CMTR1: variants seen among roughly 807,000 people sequenced by gnomAD.
The protein encoded by CMTR1 is cap methyltransferase 1, also known as cap-specific mRNA (nucleoside-2'-O-)-methyltransferase 1.
CMTR1 carries 39 observed loss-of-function variants against 107.0 expected under a neutral mutation model. That is an observed-to-expected ratio of 0.36 (90% confidence interval 0.28 to 0.48). The LOEUF is 0.48. Ranked by LOEUF, CMTR1 falls within the 20% of genes least tolerant of loss-of-function variation. The probability of loss-of-function intolerance (pLI) is 0.99; values close to 1 mark genes in which losing one functional copy is unlikely to be tolerated. For missense variants in CMTR1, 672 were observed against 1,064.9 expected (o/e 0.63, Z 5.14); for synonymous variants, 366 against 379.5 (o/e 0.96, Z 0.41).
At chr6:37,476,373 C>A (rs551469663) in intron 20 of CMTR1, among the ~76,000 whole-genome samples, 179 bp downstream of exon 20, 1 of 152,254 alleles carries the variant, frequency 6.6e-6, no homozygotes, top group South Asian at 2.1e-4. Flanking sequence ...CAGAGCATCT[C>A]CCCATCCTGC....
intron 20 of CMTR1, 102 bp downstream of exon 20, chr6:37,476,296 G>A: frequency 2.5e-6 from 3 of 1,206,496 alleles, no homozygotes; most frequent in Non-Finnish European, 2.4e-6. Context: ...CTAGGCAAGT[G>A]GGTGTTAGAG....
Position 37,480,109 on chromosome 6 carries a change from G to A in CMTR1, c.2472G>A (p.Glu824=), listed in dbSNP as rs1363409851. 6.2e-7 allele frequency: 1 copy of A among 1,600,402 alleles called. No individual in the cohort carries two copies. Among genetic ancestry groups the A allele is most frequent in the Non-Finnish European group, 8.5e-7 (1 of 1,174,032 alleles). The stretch of plus-strand genomic sequence containing the variant: ...AGGACCAGGACAAGCTGTCCAAGGA[G>A]GACGTCCTCTCCTTCATCCAGATGC... ...KPQDQDKLSK[E]DVLSFIQMHR... is the part of the protein sequence containing the mutation. The change falls in exon 24 of 24, where the codon GAG becomes GAA. Residue 824 remains glutamate (E), a synonymous_variant. Transcript: ENST00000373451.
intron 2 of CMTR1, chr6:37,436,511 C>CA (rs893918310): frequency 1.5e-4 from 23 of 152,214 alleles, no homozygotes; most frequent in African/African-American, 5.6e-4. Flanking sequence ...GCTAGTAGTC[C>CA]AAAATCAAAG....
the CMTR1 span, among the ~76,000 whole-genome samples, chr6:37,428,057 A>AGGGG: frequency 1.4e-5 from 2 of 143,138 alleles, no homozygotes; most frequent in African/African-American, 5.4e-5. Context: ...AGAGAGAGAG[A>AGGGG]GAGAAACTCT....
chr6:37,440,281 T>C (rs2113864396), intron 2 of CMTR1, among the ~76,000 whole-genome samples: 1 of 152,328 alleles, frequency 6.6e-6, no homozygotes, highest in South Asian at 2.1e-4. Flanking sequence ...TGCTCAATGT[T>C]TGCTAAATTC....
chr6:37,476,039 T>C, intron 19 of CMTR1, 87 bp from the exon 20 acceptor site: 1 of 1,281,188 alleles, frequency 7.8e-7, no homozygotes, highest in East Asian at 2.3e-5. Context: ...AAGGTTCTCC[T>C]ACTGGAGCTG....
chr6:37,478,603 C>A (rs956084609), intron 22 of CMTR1, 82 bp downstream of exon 22: 1 of 1,156,890 alleles, frequency 8.6e-7, no homozygotes. Flanking sequence ...CCTACCTGAG[C>A]CAGAGCGAAG....
At chr6:37,464,975 A>G (rs543472384) in intron 13 of CMTR1, among the ~76,000 whole-genome samples, 1 of 151,130 alleles carries the variant, frequency 6.6e-6, no homozygotes, top group South Asian at 2.1e-4. Context: ...TATACATATA[A>G]TATGTATATT....
At position 37,453,226 on chromosome 6, in the gene CMTR1, T is replaced by G. The variant is rs1412502774; in HGVS notation, c.705-14T>G. 1 of 1,614,118 alleles carries G rather than the reference T, an allele frequency of 6.2e-7. No individual in the cohort carries two copies. The highest frequency in any genetic ancestry group is 1.1e-5 in the South Asian group (1 of 91,084). On this transcript the variant is annotated splice_polypyrimidine_tract_variant and intron_variant, in intron 7 of 23. Transcript: ENST00000373451. ...CTAGTACATCTAGTACTTTTCTGTCTTGCTTTATTGCAGGGCAGCAATGAA... is the reference window on the plus strand; with the variant it reads ...CTAGTACATCTAGTACTTTTCTGTCGTGCTTTATTGCAGGGCAGCAATGAA...
At chr6:37,441,534 C>T (rs1478521910) in intron 2 of CMTR1, among the ~76,000 whole-genome samples, 1 of 152,028 alleles carries the variant, frequency 6.6e-6, no homozygotes, top group Non-Finnish European at 1.5e-5. Context: ...CCTACCTCAG[C>T]CTCCCGAGTA....
intron 18 of CMTR1, 138 bp from the exon 19 acceptor site, chr6:37,475,183 A>G: frequency 1.4e-6 from 1 of 696,876 alleles, no homozygotes; most frequent in Non-Finnish European, 2.6e-6. Flanking sequence ...TGGGAGGGAG[A>G]CAAGAAAAAT....
At chr6:37,446,021 T>C (rs1161787209) in intron 3 of CMTR1, among the ~76,000 whole-genome samples, 1 of 152,218 alleles carries the variant, frequency 6.6e-6, no homozygotes, top group Non-Finnish European at 1.5e-5. Context: ...CATGAAGTAC[T>C]CTGGGTGCTT....
At chr6:37,471,767 C>A in intron 14 of CMTR1, 80 bp from the exon 15 acceptor site, 1 of 1,299,774 alleles carries the variant, frequency 7.7e-7, no homozygotes, top group South Asian at 1.2e-5. Context: ...GGCCTCCTCT[C>A]TATGGGATAT....
intron 22 of CMTR1, among the ~76,000 whole-genome samples, 160 bp from the exon 23 acceptor site, chr6:37,478,987 C>G (rs1049233275): frequency 6.6e-6 from 1 of 152,216 alleles, no homozygotes; most frequent in Non-Finnish European, 1.5e-5. Flanking sequence ...CCTGCAGCCC[C>G]TTTGGGCTGG....
At chr6:37,470,873 TG>T in intron 13 of CMTR1, 147 bp from the exon 14 acceptor site, 2 of 550,260 alleles carry the variant, frequency 3.6e-6, no homozygotes, top group Non-Finnish European at 3.1e-6. Flanking sequence ...AACTGCACTG[TG>T]GGGTAGGGGT....
chr6:37,453,452 G>C (rs1761226675), intron 8 of CMTR1, 140 bp downstream of exon 8: 6 of 764,660 alleles, frequency 7.8e-6, no homozygotes, highest in Non-Finnish European at 1.3e-5. Flanking sequence ...TCCTCAGATA[G>C]GGTCCCACAG....
chr6:37,457,240 C>T (rs1489471775), intron 8 of CMTR1, among the ~76,000 whole-genome samples: 2 of 149,934 alleles, frequency 1.3e-5, no homozygotes, highest in African/African-American at 4.9e-5. Flanking sequence ...AACAAAAAAA[C>T]CTGGGGAGAG....
the CMTR1 span, among the ~76,000 whole-genome samples, chr6:37,426,938 T>G: frequency 6.6e-6 from 1 of 152,194 alleles, no homozygotes; most frequent in East Asian, 1.9e-4. Flanking sequence ...CAAAAATGGC[T>G]TTCCCTGCTT....
At chr6:37,477,203 G>C (rs1166011325) in intron 20 of CMTR1, among the ~76,000 whole-genome samples, 1 of 152,242 alleles carries the variant, frequency 6.6e-6, no homozygotes, top group Non-Finnish European at 1.5e-5. Flanking sequence ...AAATCCATGT[G>C]GACAGACCTG....
Sources: gnomAD v4.1 joint callset for allele counts (sites outside exome capture counted in the v4.1 genomes callset) on GRCh38, gnomAD v4.1.1 for gene constraint, MANE v1.5 for transcripts, NCBI Gene and HGNC (gene_info 2026-07-23, HGNC 2026-07-21) for gene names.